The following PPFIA2 variants were observed in gnomAD, a reference collection of about 807,000 sequenced individuals.
PPFIA2 encodes liprin-alpha-2.
In PPFIA2, 46 loss-of-function variants were observed where a neutral mutation model predicts 175.5. That is an observed-to-expected ratio of 0.26 (90% CI 0.21 to 0.34). The LOEUF (loss-of-function observed/expected upper bound fraction) is 0.34, where lower values mean the gene tolerates loss of function less well. Ranked by LOEUF, PPFIA2 falls within the 10% of genes least tolerant of loss-of-function variation. The pLI is 1.00. For synonymous variants in PPFIA2, 568 were observed against 511.4 expected, an observed-to-expected ratio of 1.11 and a Z score of -1.49; for missense variants, 1,179 against 1,506.1, an observed-to-expected ratio of 0.78 and a Z score of 3.60.
intron 5 of PPFIA2, among the ~76,000 whole-genome samples, chr12:81,449,985 C>G (rs1195832296): frequency 6.6e-6 from 1 of 152,094 alleles, no homozygotes; most frequent in Non-Finnish European, 1.5e-5. Flanking sequence ...TTTTTTATGG[C>G]TGCATAGTAT....
chr12:81,636,990 G>A (rs572899916), intron 4 of PPFIA2, among the ~76,000 whole-genome samples: 1 of 151,824 alleles, frequency 6.6e-6, no homozygotes, highest in Non-Finnish European at 1.5e-5. Flanking sequence ...TCTTAAAATG[G>A]AATTTTCTCC....
At chr12:81,394,387 G>T (rs974210075) in intron 8 of PPFIA2, among the ~76,000 whole-genome samples, 1 of 151,670 alleles carries the variant, frequency 6.6e-6, no homozygotes, top group Non-Finnish European at 1.5e-5. Context: ...TAGAAATAAT[G>T]AACACTAATC....
intron 17 of PPFIA2, among the ~76,000 whole-genome samples, chr12:81,351,554 G>T (rs530283140): frequency 6.6e-6 from 1 of 151,818 alleles, no homozygotes; most frequent in African/African-American, 2.4e-5. Context: ...AACTTCAAAC[G>T]CAAGTTTTAG....
At position 81,642,774 on chromosome 12, in the gene PPFIA2, ATGTAT is replaced by A. The variant is rs1380041589; in HGVS notation, c.303+34012_303+34016del. Among the ~76,000 whole-genome samples the A allele has an allele frequency of 2.6e-4, 23 of 89,646 alleles. 6 individuals carry two copies. Among genetic ancestry groups the A allele is most frequent in the East Asian group, 1.8e-3 (4 of 2,238 alleles). 58.8% of individuals were successfully genotyped at this position (89,646 alleles called of 152,430 possible). On this transcript the variant is annotated intron_variant, in intron 4 of 32. Coordinates refer to ENST00000549396, the MANE Select transcript of PPFIA2 (RefSeq NM_003625.5). Reference sequence around the variant, plus strand: ...TATATACATACATGTATATGTATGTATGTATTATATACATACATGTATATGTATGT... The same window carrying A: ...TATATACATACATGTATATGTATGTATATATACATACATGTATATGTATGT...
chr12:81,577,719 G>GGC (rs1234079360), intron 4 of PPFIA2, among the ~76,000 whole-genome samples: 2 of 151,760 alleles, frequency 1.3e-5, no homozygotes, highest in Non-Finnish European at 2.9e-5. Flanking sequence ...TAGCTAGAAA[G>GGC]GCCGTGTTAG....
chr12:81,476,493 T>C (rs2057491650), intron 4 of PPFIA2, among the ~76,000 whole-genome samples: 2 of 152,312 alleles, frequency 1.3e-5, no homozygotes, highest in South Asian at 4.1e-4. Context: ...AAATGTGACA[T>C]AAAAATTAAG....
chr12:81,571,986 A>G (rs1023743697), intron 4 of PPFIA2, among the ~76,000 whole-genome samples: 7 of 152,072 alleles, frequency 4.6e-5, no homozygotes, highest in African/African-American at 1.7e-4. Flanking sequence ...ATGCTGGATC[A>G]TGTAGTCTTA....
At chr12:81,564,181 T>A (rs922440097) in intron 4 of PPFIA2, among the ~76,000 whole-genome samples, 1 of 152,214 alleles carries the variant, frequency 6.6e-6, no homozygotes, top group Non-Finnish European at 1.5e-5. Context: ...ATAGAAATCA[T>A]TCATCTTCAT....
At chr12:81,282,207 T>C (rs1037702337) in intron 26 of PPFIA2, among the ~76,000 whole-genome samples, 3 of 152,068 alleles carry the variant, frequency 2.0e-5, no homozygotes, top group Non-Finnish European at 4.4e-5. Context: ...TACTCTCTAT[T>C]ATTTTTACAG....
chr12:81,305,084 T>C (rs142832062), intron 22 of PPFIA2, among the ~76,000 whole-genome samples: 117 of 152,214 alleles, frequency 7.7e-4, no homozygotes, highest in African/African-American at 2.7e-3. Flanking sequence ...AAATCATAAC[T>C]GAATGAATGA....
chr12:81,348,504 G>A (rs775873777), intron 17 of PPFIA2, among the ~76,000 whole-genome samples: 3 of 152,114 alleles, frequency 2.0e-5, no homozygotes, highest in Non-Finnish European at 2.9e-5. Context: ...TTGGGAGGCC[G>A]AGATGGGTGG....
At position 81,375,931 on chromosome 12, in the gene PPFIA2, T is replaced by C. The variant is rs748118740; in HGVS notation, c.996A>G (p.Gln332=). The C allele has an allele frequency of 6.2e-7, 1 of 1,613,058 alleles. No homozygotes were observed. The highest frequency in any genetic ancestry group is 8.5e-7 in the Non-Finnish European group (1 of 1,179,364). ...TAATTCTTTCTTCCATATCTTCCTT[T>C]TGTGCCATGGCCTACAATTAAAATA... The part of the protein sequence containing the change: ...YQRDIREAMA[Q]KEDMEERITT... The change falls in exon 10 of 33, where the codon CAA becomes CAG. Residue 332 remains glutamine (Q), a synonymous_variant. Coordinates refer to ENST00000549396, the MANE Select transcript of PPFIA2 (RefSeq NM_003625.5).
intron 3 of PPFIA2, among the ~76,000 whole-genome samples, chr12:81,744,611 A>G (rs968185907): frequency 2.0e-5 from 3 of 151,996 alleles, no homozygotes; most frequent in Non-Finnish European, 4.4e-5. Flanking sequence ...TTTTCAGTAG[A>G]GACGTGGTTT....
intron 16 of PPFIA2, among the ~76,000 whole-genome samples, chr12:81,354,538 CT>C (rs2060556937): frequency 6.6e-6 from 1 of 152,098 alleles, no homozygotes; most frequent in South Asian, 2.1e-4. Context: ...AATTCTAGTT[CT>C]CTTGTTATTT....
intron 8 of PPFIA2, among the ~76,000 whole-genome samples, chr12:81,402,907 T>G (rs2042311893): frequency 6.6e-6 from 1 of 152,190 alleles, no homozygotes; most frequent in East Asian, 1.9e-4. Flanking sequence ...AACACTTTAT[T>G]GGAACATCCT....
At chr12:81,538,700 T>A (rs571752458) in intron 4 of PPFIA2, among the ~76,000 whole-genome samples, 8 of 151,908 alleles carry the variant, frequency 5.3e-5, no homozygotes, top group Non-Finnish European at 7.4e-5. Context: ...ATGTACTGTC[T>A]GTTTTGTGGA....
chr12:81,282,003 T>C (rs1231829784), intron 26 of PPFIA2, among the ~76,000 whole-genome samples: 5 of 152,002 alleles, frequency 3.3e-5, no homozygotes, highest in Admixed American at 6.6e-5. Flanking sequence ...CAAAAAATCA[T>C]TGGAAAGAAT....
intron 4 of PPFIA2, among the ~76,000 whole-genome samples, chr12:81,565,144 C>A (rs111881907): frequency 6.6e-6 from 1 of 152,046 alleles, no homozygotes; most frequent in Non-Finnish European, 1.5e-5. Context: ...ATCCCCTCCC[C>A]GATCCATGCT....
chr12:81,375,127 G>A (rs972368581), intron 10 of PPFIA2, among the ~76,000 whole-genome samples: 7 of 152,112 alleles, frequency 4.6e-5, no homozygotes, highest in African/African-American at 1.7e-4. Context: ...GAGAGGTAAT[G>A]TAGCATGATG....
Sources: gnomAD v4.1 joint callset for allele counts (sites outside exome capture counted in the v4.1 genomes callset) on GRCh38, gnomAD v4.1.1 for gene constraint, MANE v1.5 for transcripts, NCBI Gene and HGNC (gene_info 2026-07-23, HGNC 2026-07-21) for gene names.